The following GPSM1 variants were observed in gnomAD, a reference collection of about 807,000 sequenced individuals.
GPSM1 encodes the protein G protein signaling modulator 1, also known as G protein-signaling modulator 1.
In GPSM1, 48 loss-of-function variants were observed where a neutral mutation model predicts 70.5. The observed-to-expected ratio is 0.68, with a 90% CI of 0.54 to 0.87. GPSM1 has a LOEUF of 0.87. Ranked by LOEUF, GPSM1 falls within the 40% of genes least tolerant of loss-of-function variation. The pLI, the probability that GPSM1 is intolerant of heterozygous loss-of-function variation, is 0.00. For missense variants in GPSM1, 981 were observed against 972.6 expected, an observed-to-expected ratio of 1.01 and a Z score of -0.11; for synonymous variants, 416 against 430.1, an observed-to-expected ratio of 0.97 and a Z score of 0.41.
chr9:136,349,568 C>T lies in GPSM1; in HGVS notation c.1279-19C>T, dbSNP rs1554771735. On this transcript the variant is annotated intron_variant, in intron 10 of 13. Coordinates refer to ENST00000440944, the MANE Select transcript of GPSM1 (RefSeq NM_001145638.3). ...GGTTCACAATTGCCCAGGCCACGCA[C>T]AGCCTTACCCCTCCCCAGGAGCAGA... 4.5e-6 allele frequency: 7 copies of T among 1,546,024 alleles called. No individual in the cohort carries two copies. The East Asian group carries it at 1.7e-4, about 38-fold the overall frequency.
At chr9:136,355,915 C>T (rs1832806229) in intron 12 of GPSM1, 69 bp downstream of exon 12, 5 of 1,345,328 alleles carry the variant, frequency 3.7e-6, no homozygotes, top group Non-Finnish European at 5.1e-6. Context: ...GGCTCCCGTC[C>T]TGCTTCCAGT....
rs371004961 is a variant in GPSM1, at chr9:136,340,869, G to C, written c.1084-1G>C. On this transcript the variant is annotated splice_acceptor_variant, in intron 8 of 13. Transcript: ENST00000440944. LOFTEE classifies it high-confidence loss of function. This position sits in a 1 kb window ranked among gnomAD's most constrained non-coding sequence, Gnocchi z 7.3. ...CCGCTCCGCCACCCCACTCGCCGCA[G>C]ATCGGGGACCGCCATGGGGAGCTCA... The C allele has an allele frequency of 1.9e-6, 3 of 1,570,032 alleles. No individual in the cohort carries two copies. In the African/African-American group the frequency reaches 4.1e-5, roughly 21 times the overall value.
At chr9:136,347,463 G>A (rs1220025270) in intron 9 of GPSM1, among the ~76,000 whole-genome samples, 2 of 152,116 alleles carry the variant, frequency 1.3e-5, no homozygotes, top group Non-Finnish European at 2.9e-5. Context: ...AGGAGGATGA[G>A]GGTCCTCCCA....
At position 136,359,339 on chromosome 9, in the gene GPSM1, T is replaced by A. The variant is rs1331281490; in HGVS notation, c.*1119T>A. On this transcript the variant is annotated 3_prime_UTR_variant, in exon 14 of 14. Coordinates refer to ENST00000440944, the MANE Select transcript of GPSM1 (RefSeq NM_001145638.3). ...TGGCAGTTCCATCTAGGAGGGTGCC[T>A]CTAGGCCCCACTCTCAGGCTAGGAT... 1 of 152,092 alleles carries A rather than the reference T, an allele frequency of 6.6e-6. No individual in the cohort carries two copies. The highest frequency in any genetic ancestry group is 1.5e-5 in the Non-Finnish European group (1 of 68,018). The allele number at this position is 152,092 out of a possible 1,614,324, so 9.4% of individuals were successfully genotyped here. A position where few individuals can be genotyped will look rare whatever the true frequency, so the allele number is the denominator to read the frequency against.
intron 1 of GPSM1, 28 bp downstream of exon 1, chr9:136,327,791 G>A (rs1554768086): frequency 9.7e-7 from 1 of 1,035,038 alleles, no homozygotes; most frequent in Non-Finnish European, 1.2e-6. Flanking sequence ...CGGGGCCGGG[G>A]CCGGGGCTGG....
intron 11 of GPSM1, 74 bp downstream of exon 11, chr9:136,349,837 G>GCCAACGGGGCCAGGTCAGGCC: frequency 7.2e-7 from 1 of 1,398,194 alleles, no homozygotes; most frequent in Non-Finnish European, 9.6e-7. Context: ...TCCACTGCCA[G>GCCAACGGGGCCAGGTCAGGCC]CCAACGGGGC....
intron 9 of GPSM1, among the ~76,000 whole-genome samples, chr9:136,346,165 A>T (rs1423242119): frequency 6.6e-6 from 1 of 152,182 alleles, no homozygotes; most frequent in Non-Finnish European, 1.5e-5. Context: ...AGGCCCCTGG[A>T]GAGCAGGAGC....
chr9:136,335,734 A>C (rs1008683761), intron 2 of GPSM1, among the ~76,000 whole-genome samples: 2 of 152,144 alleles, frequency 1.3e-5, no homozygotes. Flanking sequence ...GGTGATGGGC[A>C]GGAGCCTGTG....
chr9:136,337,007 G>T lies in GPSM1; in HGVS notation c.513G>T (p.Thr171=). The T allele has an allele frequency of 6.4e-7, 1 of 1,552,676 alleles. No individual in the cohort carries two copies. The highest frequency in any genetic ancestry group is 8.7e-7 in the Non-Finnish European group (1 of 1,148,248). The change falls in exon 4 of 14, where the codon ACG becomes ACT. Residue 171 remains threonine, a synonymous_variant. Coordinates refer to ENST00000440944, the MANE Select transcript of GPSM1 (RefSeq NM_001145638.3). ...KQLSWNAANA[T]QDPGHLPPDV... ...TGTCCTGGAACGCCGCAAACGCCAC[G>T]CAGGACCCCGGGCACCTGCCGCCCG...
intron 3 of GPSM1, among the ~76,000 whole-genome samples, chr9:136,336,646 T>G (rs979112283): frequency 6.6e-6 from 1 of 152,162 alleles, no homozygotes; most frequent in Non-Finnish European, 1.5e-5. Context: ...CAGCTGGAGC[T>G]TTCAGCCTCG....
intron 3 of GPSM1, 85 bp downstream of exon 3, chr9:136,336,186 A>G: frequency 6.9e-7 from 1 of 1,447,940 alleles, no homozygotes; most frequent in Non-Finnish European, 9.4e-7. Context: ...CGGGTGACTC[A>G]CCACTCATCC....
Position 136,355,774 on chromosome 9 carries a change from C to T in GPSM1, c.1540C>T (p.Arg514Cys), listed in dbSNP as rs1429831604. The T allele has an allele frequency of 3.1e-6, 5 of 1,611,818 alleles. No individual in the cohort carries two copies. The highest frequency in any genetic ancestry group is 2.2e-5 in the East Asian group (1 of 44,860). The change falls in exon 12 of 14, where the codon CGT (arginine) becomes TGT (cysteine). Residue 514 changes from arginine (R) to cysteine (C), a missense_variant. By Grantham distance (180) the Arg-to-Cys change is radical (BLOSUM62 -3). Coordinates refer to ENST00000440944, the MANE Select transcript of GPSM1 (RefSeq NM_001145638.3). Reference sequence around the variant, plus strand: ...CCAGAGCAGCCGCATGGACGACCAGCGTTGTCCCCTGGACGATGGCCAGGC... The same window carrying T: ...CCAGAGCAGCCGCATGGACGACCAGTGTTGTCCCCTGGACGATGGCCAGGC... ...KFQSSRMDDQ[R>C]CPLDDGQAGA...
In GPSM1 at chr9:136,340,837, C is replaced by T. The variant is rs782492695; in HGVS notation, c.1084-33C>T. ...GAGCCCACAGCAGGGCCCCCAGCCA[C>T]ACCTGCCCGCTCCGCCACCCCACTC... On this transcript the variant is annotated intron_variant, in intron 8 of 13. Coordinates refer to ENST00000440944, the MANE Select transcript of GPSM1 (RefSeq NM_001145638.3). This position sits in a 1 kb window ranked among gnomAD's most constrained non-coding sequence, Gnocchi z 7.3. 7 of 1,538,552 alleles carry T rather than the reference C, an allele frequency of 4.5e-6. No individual in the cohort carries two copies. Among genetic ancestry groups the T allele is most frequent in the Non-Finnish European group, 6.1e-6 (7 of 1,146,262 alleles).
Position 136,337,941 on chromosome 9 carries a change from C to T in GPSM1, c.798C>T (p.Asp266=), listed in dbSNP as rs376435047. Residue 266 remains aspartate (D), a synonymous_variant, in exon 6 of 14, where the codon GAC becomes GAT. Coordinates refer to ENST00000440944, the MANE Select transcript of GPSM1 (RefSeq NM_001145638.3). ...GNAHVFLGRF[D]VAAEYYKKTL... ...CCCACGTCTTCCTGGGGCGCTTTGA[C>T]GTGGCCGCCGAGTACTACAAGTAGG... The T allele has an allele frequency of 8.1e-5, 131 of 1,610,018 alleles. No individual in the cohort carries two copies. Among genetic ancestry groups the T allele is most frequent in the Admixed American group, 4.8e-4 (29 of 59,868 alleles).
Position 136,341,093 on chromosome 9 carries a change from G to T in GPSM1, c.1207+100G>T. ...TCGAGGCCAGGCCAGCATGGCGGAG[G>T]TGGCAGCCGCCAGAAAATGGCGCCT... On this transcript the variant is annotated intron_variant, in intron 9 of 13. Transcript: ENST00000440944. The surrounding 1 kb of genome is among the most constrained non-coding windows in gnomAD (Gnocchi z 6.7). 1 of 1,550,198 alleles carries T rather than the reference G, an allele frequency of 6.5e-7. No individual in the cohort carries two copies. Among genetic ancestry groups the T allele is most frequent in the Non-Finnish European group, 8.7e-7 (1 of 1,146,942 alleles).
At position 136,337,971 on chromosome 9, in the gene GPSM1, C is replaced by T; in HGVS notation, c.818+10C>T. ...CCGCCGAGTACTACAAGTAGGTGGT[C>T]CCCACAATCTCCCAGGGAGACAGCA... is the stretch of plus-strand genomic sequence containing the variant. On this transcript the variant is annotated intron_variant, in intron 6 of 13. Coordinates refer to ENST00000440944, the MANE Select transcript of GPSM1 (RefSeq NM_001145638.3). 1.3e-6 allele frequency: 2 copies of T among 1,556,516 alleles called. No individual in the cohort carries two copies. Among genetic ancestry groups the T allele is most frequent in the Non-Finnish European group, 1.8e-6 (2 of 1,132,124 alleles).
At chr9:136,346,402 C>T (rs1285273879) in intron 9 of GPSM1, among the ~76,000 whole-genome samples, 4 of 152,172 alleles carry the variant, frequency 2.6e-5, no homozygotes, top group Admixed American at 6.5e-5. Flanking sequence ...ACCATTTAAA[C>T]GGGTCACATG....
chr9:136,347,075 GC>G (rs1165300367), intron 9 of GPSM1, among the ~76,000 whole-genome samples: 2 of 152,082 alleles, frequency 1.3e-5, no homozygotes, highest in African/African-American at 2.4e-5. Flanking sequence ...GTCTGGGCCT[GC>G]CCCCCGACAT....
Position 136,342,857 on chromosome 9 carries a change from C to T in GPSM1, c.1207+1864C>T, listed in dbSNP as rs1207829279. On this transcript the variant is annotated intron_variant, in intron 9 of 13. Coordinates refer to ENST00000440944, the MANE Select transcript of GPSM1 (RefSeq NM_001145638.3). This position sits in a 1 kb window ranked among gnomAD's most constrained non-coding sequence, Gnocchi z 5.5. ...AGGGCGCTGCCCAGCGGGGTGTGGG[C>T]AGGGAGGAGGAAGTCGTCTGGAGGT... Among the ~76,000 whole-genome samples, 1 of 151,538 alleles carries T rather than the reference C, an allele frequency of 6.6e-6. No individual in the cohort carries two copies. The highest frequency in any genetic ancestry group is 1.5e-5 in the Non-Finnish European group (1 of 67,846).
Sources: gnomAD v4.1 joint callset for allele counts (sites outside exome capture counted in the v4.1 genomes callset) on GRCh38, gnomAD v4.1.1 for gene constraint, Gnocchi (gnomAD v3.1) non-coding constraint, MANE v1.5 for transcripts, NCBI Gene and HGNC (gene_info 2026-07-23, HGNC 2026-07-21) for gene names.